Variants in CRHBP observed in about 807,000 individuals in gnomAD.
The protein encoded by CRHBP is corticotropin releasing hormone binding protein.
CRHBP carries 19 observed loss-of-function variants against 34.9 expected under a neutral mutation model. The ratio of observed to expected loss-of-function variants is 0.55; its 90% CI spans 0.38 to 0.80. CRHBP has a LOEUF of 0.80. Ranked by LOEUF, CRHBP falls within the 30% of genes least tolerant of loss-of-function variation. CRHBP has a pLI of 0.00. For synonymous variants in CRHBP, 154 were observed against 153.4 expected (o/e 1.00, Z -0.03); for missense variants, 328 against 409.2 (o/e 0.80, Z 1.71).
intron 5 of CRHBP, among the ~76,000 whole-genome samples, chr5:76,960,080 G>C (rs1383713104): frequency 6.6e-6 from 1 of 152,218 alleles, no homozygotes; most frequent in Non-Finnish European, 1.5e-5. Context: ...ATTCAAGTGG[G>C]ATGAGACAGG....
intron 4 of CRHBP, among the ~76,000 whole-genome samples, chr5:76,956,364 T>C (rs1298628380): frequency 1.3e-5 from 2 of 152,246 alleles, no homozygotes; most frequent in Admixed American, 1.3e-4. Context: ...CCCACCACTC[T>C]AATTCAATTC....
intron 4 of CRHBP, among the ~76,000 whole-genome samples, chr5:76,957,307 C>T (rs983578680): frequency 1.3e-5 from 2 of 152,252 alleles, no homozygotes; most frequent in East Asian, 1.9e-4. Flanking sequence ...CTGTTCTGAT[C>T]AATGTTGATT....
Position 76,955,875 on chromosome 5 carries a change from C to G in CRHBP, c.544+12C>G. 1 of 1,611,778 alleles carries G rather than the reference C, an allele frequency of 6.2e-7. No homozygotes were observed. The highest frequency in any genetic ancestry group is 8.5e-7 in the Non-Finnish European group (1 of 1,178,292). On this transcript the variant is annotated intron_variant, in intron 4 of 6. Coordinates refer to ENST00000274368, the MANE Select transcript of CRHBP (RefSeq NM_001882.4). ...CCCCAACCTCTTTCGTAAGTGTTCT[C>G]AGTCAAAAGGCAGAACTTCGGATAT...
At chr5:76,954,457 C>G (rs1310916134) in intron 3 of CRHBP, among the ~76,000 whole-genome samples, 2 of 152,210 alleles carry the variant, frequency 1.3e-5, no homozygotes, top group Admixed American at 6.5e-5. Flanking sequence ...CCCTTCTGGG[C>G]GCTTTCGAGG....
intron 4 of CRHBP, among the ~76,000 whole-genome samples, chr5:76,957,609 C>T (rs1410586187): frequency 6.6e-6 from 1 of 152,062 alleles, no homozygotes; most frequent in African/African-American, 2.4e-5. Context: ...TGGTCATGAA[C>T]TCCTGACCTC....
At chr5:76,960,240 G>A (rs1311539475) in intron 5 of CRHBP, among the ~76,000 whole-genome samples, 1 of 152,228 alleles carries the variant, frequency 6.6e-6, no homozygotes, top group Non-Finnish European at 1.5e-5. Flanking sequence ...CTTTTGAGAA[G>A]TGAGACCTGG....
In CRHBP at chr5:76,953,052, A is replaced by G; in HGVS notation, c.-83A>G. ...CAGCAAAGGGACCCTACCAGCTTCT[A>G]GCTCTCAGTCTGCGCGAGGGTGTAG... On this transcript the variant is annotated 5_prime_UTR_variant, in exon 1 of 7. Coordinates refer to ENST00000274368, the MANE Select transcript of CRHBP (RefSeq NM_001882.4). The G allele has an allele frequency of 7.1e-7, 1 of 1,400,032 alleles. No individual in the cohort carries two copies. Among genetic ancestry groups the G allele is most frequent in the African/African-American group, 1.4e-5 (1 of 70,796 alleles). The allele number at this position is 1,400,032 out of a possible 1,614,324, so 86.7% of individuals were successfully genotyped here.
intron 4 of CRHBP, among the ~76,000 whole-genome samples, chr5:76,956,960 C>CA (rs1309332290): frequency 6.6e-6 from 1 of 152,032 alleles, no homozygotes; most frequent in African/African-American, 2.4e-5. Context: ...AAAAGCCCCC[C>CA]AAAAAGGCTG....
intron 3 of CRHBP, 120 bp downstream of exon 3, chr5:76,954,306 C>A: frequency 8.1e-7 from 1 of 1,232,690 alleles, no homozygotes; most frequent in Non-Finnish European, 1.1e-6. Flanking sequence ...ACTTCTTAGA[C>A]ACTTCGCTGG....
At chr5:76,955,974 AT>A (rs1187331716) in intron 4 of CRHBP, 111 bp downstream of exon 4, 55 of 915,788 alleles carry the variant, frequency 6.0e-5, no homozygotes, top group Non-Finnish European at 7.9e-5. Context: ...TTGAATGGAA[AT>A]TTTTTTGTAA....
Position 76,954,072 on chromosome 5 carries a change from C to T in CRHBP, c.219C>T (p.Thr73=). ...GCCTCCAGGGCCAGTTCACCTTCAC[C>T]GCCGACCGGCCGCAGCTGCACTGCG... ...MLSLQGQFTF[T]ADRPQLHCAA... is the part of the protein sequence containing the mutation. The change falls in exon 3 of 7, where the codon ACC becomes ACT. Residue 73 remains threonine (T), a synonymous_variant. Transcript: ENST00000274368. 1 of 1,613,966 alleles carries T rather than the reference C, an allele frequency of 6.2e-7. No individual in the cohort carries two copies. Among genetic ancestry groups the T allele is most frequent in the South Asian group, 1.1e-5 (1 of 91,080 alleles).
chr5:76,969,022 C>G lies in CRHBP; in HGVS notation c.*137C>G. The stretch of plus-strand genomic sequence containing the variant: ...AGCCTTGAGCGCACGCGCGCACACA[C>G]ACACACACATACACACACGCATTAA... On this transcript the variant is annotated 3_prime_UTR_variant, in exon 7 of 7. Coordinates refer to ENST00000274368, the MANE Select transcript of CRHBP (RefSeq NM_001882.4). The G allele has an allele frequency of 1.1e-6, 1 of 884,296 alleles. No homozygotes were observed. Among genetic ancestry groups the G allele is most frequent in the Non-Finnish European group, 1.7e-6 (1 of 587,716 alleles). 54.8% of individuals were successfully genotyped at this position (884,296 alleles called of 1,614,324 possible).
intron 6 of CRHBP, among the ~76,000 whole-genome samples, chr5:76,967,716 T>C (rs2150709309): frequency 6.6e-6 from 1 of 151,984 alleles, no homozygotes; most frequent in African/African-American, 2.4e-5. Context: ...TTTTTTTTTT[T>C]GAGATGGAGT....
intron 6 of CRHBP, among the ~76,000 whole-genome samples, chr5:76,968,125 C>T (rs751851720): frequency 2.3e-4 from 35 of 151,300 alleles, no homozygotes; most frequent in Admixed American, 8.6e-4. Context: ...TATGTCTATA[C>T]GATGCAAATG....
rs768233885 is a variant in CRHBP, at chr5:76,958,875, G to C, written c.679G>C (p.Gly227Arg). Residue 227 changes from glycine (G) to arginine (R), a missense_variant, in exon 5 of 7, where the codon GGT becomes CGT. Gly to Arg is a moderately radical substitution (Grantham distance 125). Around this residue, in one of 3 missense-constraint regions of CRHBP, gnomAD observed 144 missense variants for 216.7 expected, o/e 0.66. Transcript: ENST00000274368. ...ISDLTLGHVNGLQLKKSSAGC... is the reference protein window; with the variant it reads ...ISDLTLGHVNRLQLKKSSAGC... ...TGATCTTACCCTGGGACACGTAAAT[G>C]GTCTTCAGTTAAAGGTGAGTTGCTT... is the stretch of plus-strand genomic sequence containing the variant. The C allele has an allele frequency of 4.6e-5, 75 of 1,613,650 alleles. No homozygotes were observed. The highest frequency in any genetic ancestry group is 5.6e-5 in the Non-Finnish European group (66 of 1,179,908).
Position 76,969,040 on chromosome 5 carries a change from C to T in CRHBP, c.*155C>T, listed in dbSNP as rs569150449. 6 of 701,072 alleles carry T rather than the reference C, an allele frequency of 8.6e-6. No homozygotes were observed. The highest frequency in any genetic ancestry group is 3.1e-5 in the East Asian group (1 of 32,126). The allele number at this position is 701,072 out of a possible 1,614,324, so 43.4% of individuals were successfully genotyped here. The stretch of plus-strand genomic sequence containing the variant: ...GCACACACACACACACATACACACA[C>T]GCATTAATTTTTGTACTTTGCTTCT... On this transcript the variant is annotated 3_prime_UTR_variant, in exon 7 of 7. Transcript: ENST00000274368.
intron 5 of CRHBP, 35 bp from the exon 6 acceptor site, chr5:76,963,308 T>A: frequency 6.3e-7 from 1 of 1,587,564 alleles, no homozygotes; most frequent in Non-Finnish European, 8.7e-7. Flanking sequence ...GTAATTGGTT[T>A]AAATGTGTCT....
Position 76,953,815 on chromosome 5 carries a change from G to C in CRHBP, c.175+121G>C, listed in dbSNP as rs979678256. The C allele has an allele frequency of 6.5e-6, 8 of 1,221,818 alleles. No individual in the cohort carries two copies. The African/African-American group carries it at 1.2e-4, about 19-fold the overall frequency. 75.7% of individuals were successfully genotyped at this position (1,221,818 alleles called of 1,614,324 possible). A position where few individuals can be genotyped will look rare whatever the true frequency, so the allele number is the denominator to read the frequency against. On this transcript the variant is annotated intron_variant, in intron 2 of 6. Transcript: ENST00000274368. ...GGCTGGCCGGAACCGCCAGGGGCGC[G>C]GTCCCCTTAGCTAAGGATCGGTCCG...
At chr5:76,973,906 C>G (rs1048706457), downstream of CRHBP, among the ~76,000 whole-genome samples, 5 of 151,930 alleles carry the variant, frequency 3.3e-5, no homozygotes, top group Non-Finnish European at 5.9e-5. Flanking sequence ...AGGGTTCAAG[C>G]GATTCTCCCG....
Sources: gnomAD v4.1 joint callset for allele counts (sites outside exome capture counted in the v4.1 genomes callset) on GRCh38, gnomAD v4.1.1 for gene constraint, gnomAD v4.1.1 regional missense constraint, MANE v1.5 for transcripts, NCBI Gene and HGNC (gene_info 2026-07-23, HGNC 2026-07-21) for gene names.